BBS9: variants seen among roughly 807,000 people sequenced by gnomAD.
The protein encoded by BBS9 is Bardet-Biedl syndrome 9.
Under a neutral mutation model 117.7 loss-of-function variants are expected in BBS9, and 89 were observed. The ratio of observed to expected loss-of-function variants is 0.76; its 90% CI spans 0.64 to 0.90. The LOEUF (loss-of-function observed/expected upper bound fraction) is 0.90, where lower values mean the gene tolerates loss of function less well. BBS9 is among the 40% of genes least tolerant of loss of function. BBS9 has a pLI of 0.00. For missense variants in BBS9, 982 were observed against 1,042.2 expected (o/e 0.94, Z 0.80); for synonymous variants, 379 against 370.9 (o/e 1.02, Z -0.25).
chr7:33,276,998 A>C (rs891643683), intron 9 of BBS9: 1 of 242,700 alleles, frequency 4.1e-6, no homozygotes, highest in Admixed American at 4.4e-5. Flanking sequence ...ACTCCATGGC[A>C]GACTTGGCAG....
intron 20 of BBS9, among the ~76,000 whole-genome samples, chr7:33,520,802 C>G (rs1848486508): frequency 6.6e-6 from 1 of 152,142 alleles, no homozygotes; most frequent in South Asian, 2.1e-4. Flanking sequence ...TCTTGGGCCT[C>G]CATTGTCCCC....
At chr7:33,280,911 G>C (rs11981391) in intron 9 of BBS9, among the ~76,000 whole-genome samples, 1 of 79,392 alleles carries the variant, frequency 1.3e-5, no homozygotes, top group African/African-American at 6.0e-5. Context: ...TGTCGTTTTT[G>C]TTTTTTTTTT....
intron 5 of BBS9, among the ~76,000 whole-genome samples, chr7:33,222,664 G>C (rs2128241082): frequency 6.6e-6 from 1 of 151,940 alleles, no homozygotes; most frequent in East Asian, 1.9e-4. Context: ...AATTTTTTGT[G>C]GCGCCAGGTG....
At chr7:33,428,955 A>G (rs1394565583) in intron 19 of BBS9, among the ~76,000 whole-genome samples, 3 of 152,172 alleles carry the variant, frequency 2.0e-5, no homozygotes, top group East Asian at 3.9e-4. Context: ...AGTATATTCT[A>G]TGAAATGATT....
intron 11 of BBS9, among the ~76,000 whole-genome samples, chr7:33,342,488 T>G (rs1258160681): frequency 6.6e-6 from 1 of 152,176 alleles, no homozygotes; most frequent in Non-Finnish European, 1.5e-5. Context: ...TTAGGAACTT[T>G]TAGTCTTTGT....
intron 19 of BBS9, among the ~76,000 whole-genome samples, chr7:33,433,183 A>G (rs1834786294): frequency 6.6e-6 from 1 of 152,188 alleles, no homozygotes; most frequent in African/African-American, 2.4e-5. Context: ...ATTTTATACT[A>G]ATTGCAGAGA....
At chr7:33,385,516 A>G (rs527551542) in intron 18 of BBS9, among the ~76,000 whole-genome samples, 4 of 152,298 alleles carry the variant, frequency 2.6e-5, no homozygotes, top group African/African-American at 9.6e-5. Context: ...AGATCAACAG[A>G]TATTTGTTAA....
chr7:33,621,996 G>A (rs1865427166), intron 21 of BBS9, among the ~76,000 whole-genome samples: 1 of 152,144 alleles, frequency 6.6e-6, no homozygotes, highest in Non-Finnish European at 1.5e-5. Flanking sequence ...GATCACATGA[G>A]GTTAGGAGTT....
intron 2 of BBS9, 76 bp from the exon 3 acceptor site, chr7:33,152,625 T>A (rs186038329): frequency 7.3e-7 from 1 of 1,377,118 alleles, no homozygotes; most frequent in East Asian, 2.3e-5. Context: ...CTTTTACACA[T>A]TAGAAAGCTT....
chr7:33,271,933 C>T (rs558247304), intron 7 of BBS9, among the ~76,000 whole-genome samples: 2 of 152,236 alleles, frequency 1.3e-5, no homozygotes, highest in African/African-American at 4.8e-5. Context: ...ATAGCACATA[C>T]TCTAAAATAA....
chr7:33,401,011 C>A (rs1278316373), intron 19 of BBS9, among the ~76,000 whole-genome samples: 3 of 152,218 alleles, frequency 2.0e-5, no homozygotes, highest in Non-Finnish European at 4.4e-5. Context: ...ACCATGCTCC[C>A]AGATGGGCCA....
intron 19 of BBS9, among the ~76,000 whole-genome samples, chr7:33,451,117 T>C (rs1275797734): frequency 1.3e-5 from 2 of 152,110 alleles, no homozygotes; most frequent in Admixed American, 1.3e-4. Context: ...CTCGATCTCC[T>C]GACCTCGTGA....
rs777901417 is a variant in BBS9 at position 33,534,186 on chromosome 7, C to CT, written c.2521+11dup. 1.2e-6 allele frequency: 2 copies of CT among 1,610,930 alleles called. No individual in the cohort carries two copies. Among genetic ancestry groups the CT allele is most frequent in the Admixed American group, 3.3e-5 (2 of 59,928 alleles). ...ACCATGGTCATGCCAGGTAAGAGCT[C>CT]TGTCCATGCTCCCTAATCACAATTG... On this transcript the variant is annotated intron_variant, in intron 21 of 22. Transcript: ENST00000242067.
At chr7:33,617,273 A>C (rs1441944119) in intron 21 of BBS9, among the ~76,000 whole-genome samples, 1 of 152,150 alleles carries the variant, frequency 6.6e-6, no homozygotes, top group East Asian at 1.9e-4. Context: ...ATATAGATTA[A>C]AAGAAGGGAA....
intron 21 of BBS9, among the ~76,000 whole-genome samples, chr7:33,561,114 C>A (rs1396787864): frequency 6.6e-6 from 1 of 152,152 alleles, no homozygotes; most frequent in East Asian, 1.9e-4. Flanking sequence ...GTCGTTTAAT[C>A]CTGCAGTTCA....
chr7:33,630,096 A>G (rs1359604892), intron 21 of BBS9, among the ~76,000 whole-genome samples: 1 of 152,146 alleles, frequency 6.6e-6, no homozygotes, highest in East Asian at 1.9e-4. Context: ...AAAACTTTCC[A>G]TTTGAATTTT....
chr7:33,606,143 A>C (rs1389197655), downstream of BBS9: 1 of 152,182 alleles, frequency 6.6e-6, no homozygotes, highest in Non-Finnish European at 1.5e-5. Context: ...AAAAAACTGC[A>C]GAGGATGTAT....
chr7:33,367,132 C>G (rs1388577549), intron 16 of BBS9, among the ~76,000 whole-genome samples: 1 of 152,032 alleles, frequency 6.6e-6, no homozygotes, highest in Non-Finnish European at 1.5e-5. Context: ...GAGAACCTTT[C>G]CTTTAGTAGT....
chr7:33,219,247 T>G (rs1414331774), intron 5 of BBS9, among the ~76,000 whole-genome samples: 3 of 152,206 alleles, frequency 2.0e-5, no homozygotes, highest in Non-Finnish European at 2.9e-5. Flanking sequence ...CCGCCATGCC[T>G]GAGCCTCCCA....
Sources: allele counts gnomAD v4.1 joint callset (sites outside exome capture counted in the v4.1 genomes callset), GRCh38; gene constraint gnomAD v4.1.1; transcripts MANE v1.5; gene names NCBI Gene and HGNC (gene_info 2026-07-23, HGNC 2026-07-21).